GMFB: variants seen among roughly 807,000 people sequenced by gnomAD.
GMFB encodes the protein GMF-beta.
GMFB carries 13 observed loss-of-function variants against 25.6 expected under a neutral mutation model. That is an observed-to-expected ratio of 0.51 (90% confidence interval 0.33 to 0.81). The LOEUF (loss-of-function observed/expected upper bound fraction) is 0.81. Among genes scored for constraint, GMFB ranks in the 30% least tolerant of loss-of-function variants. GMFB has a pLI of 0.02. For missense variants in GMFB, 146 were observed against 175.4 expected (o/e 0.83, Z 0.95); for synonymous variants, 57 against 56.9 (o/e 1.00, Z 0.00).
intron 1 of GMFB, among the ~76,000 whole-genome samples, chr14:54,487,644 C>T (rs927424730): frequency 2.0e-5 from 3 of 152,130 alleles, no homozygotes; most frequent in Non-Finnish European, 4.4e-5. Flanking sequence ...ACCTGGGAGG[C>T]GGAGGTTGCA....
At chr14:54,481,783 G>GA (rs2031714488) in intron 3 of GMFB, among the ~76,000 whole-genome samples, 2 of 151,924 alleles carry the variant, frequency 1.3e-5, no homozygotes, top group Non-Finnish European at 1.5e-5. Flanking sequence ...TCTGATTTCA[G>GA]AAAAAAGAAT....
chr14:54,477,445 T>C lies in GMFB; in HGVS notation c.*643A>G, dbSNP rs1234083056. ...ATTACAACCCACCAATTTCTAAGAC[T>C]AAGATGCTATAAGGAGAAAAGCTAA... is the stretch of plus-strand genomic sequence containing the variant. On this transcript the variant is annotated 3_prime_UTR_variant, in exon 7 of 7. Coordinates refer to ENST00000358056, the MANE Select transcript of GMFB (RefSeq NM_004124.3). 1 of 152,306 alleles carries C rather than the reference T, an allele frequency of 6.6e-6. No individual in the cohort carries two copies. 9.4% of individuals were successfully genotyped at this position (152,306 alleles called of 1,614,324 possible).
intron 6 of GMFB, chr14:54,479,039 G>T (rs1483497242): frequency 6.6e-6 from 1 of 152,038 alleles, no homozygotes; most frequent in African/African-American, 2.4e-5. Flanking sequence ...ACAATCACAT[G>T]GGCTAAGGGG....
intron 2 of GMFB, chr14:54,483,434 T>G: frequency 2.2e-6 from 1 of 464,692 alleles, no homozygotes; most frequent in Admixed American, 4.0e-5. Flanking sequence ...GACCGCCTTC[T>G]CCAGAGCTGT....
chr14:54,488,829 G>T, intron 1 of GMFB, 96 bp downstream of exon 1: 1 of 1,044,894 alleles, frequency 9.6e-7, no homozygotes, highest in Non-Finnish European at 1.4e-6. Context: ...GAGCCCTCCT[G>T]GGCGCTGCCC....
chr14:54,480,329 T>C (rs950765781), intron 5 of GMFB: 1 of 158,238 alleles, frequency 6.3e-6, no homozygotes, highest in Non-Finnish European at 1.4e-5. Flanking sequence ...ATTATACAAA[T>C]TATGAAGTTT....
Position 54,477,888 on chromosome 14 carries a change from T to C in GMFB, c.*200A>G, listed in dbSNP as rs1460958161. 3.8e-5 allele frequency: 16 copies of C among 417,050 alleles called. No homozygotes were observed. The Admixed American group carries it at 4.9e-4, about 13-fold the overall frequency. 25.8% of individuals were successfully genotyped at this position (417,050 alleles called of 1,614,324 possible). A position where few individuals can be genotyped will look rare whatever the true frequency, so the allele number is the denominator to read the frequency against. ...GTAGTCCACCTAACAATTACCAATA[T>C]AAGGAAACACTTTACAAAGTTTCAT... is the stretch of plus-strand genomic sequence containing the variant. On this transcript the variant is annotated 3_prime_UTR_variant, in exon 7 of 7. Transcript: ENST00000358056.
At position 54,477,771 on chromosome 14, in the gene GMFB, C is replaced by G. The variant is rs1464543431; in HGVS notation, c.*317G>C. ...TGTTGTCTCTCACAATCTAATATAT[C>G]CACTTTCCAATGGTGTCTGTAAATA... On this transcript the variant is annotated 3_prime_UTR_variant, in exon 7 of 7. Transcript: ENST00000358056. 1 of 208,474 alleles carries G rather than the reference C, an allele frequency of 4.8e-6. No homozygotes were observed. Among genetic ancestry groups the G allele is most frequent in the East Asian group, 1.1e-4 (1 of 8,982 alleles). 12.9% of individuals were successfully genotyped at this position (208,474 alleles called of 1,614,324 possible).
chr14:54,481,206 A>G, intron 4 of GMFB: 1 of 582,148 alleles, frequency 1.7e-6, no homozygotes, highest in Non-Finnish European at 3.1e-6. Context: ...CGTTATAATA[A>G]AGGAAATAGT....
At chr14:54,481,511 T>C (rs2031711003) in intron 3 of GMFB, 53 bp from the exon 4 acceptor site, 1 of 1,145,312 alleles carries the variant, frequency 8.7e-7, no homozygotes, top group African/African-American at 1.5e-5. Context: ...CATAAGTCCT[T>C]AAGAGATACA....
At position 54,480,941 on chromosome 14, in the gene GMFB, A is replaced by G. The variant is rs1446797994; in HGVS notation, c.216T>C (p.Ser72=). 1 of 1,496,272 alleles carries G rather than the reference A, an allele frequency of 6.7e-7. No homozygotes were observed. Among genetic ancestry groups the G allele is most frequent in the African/African-American group, 1.4e-5 (1 of 71,570 alleles). 92.7% of individuals were successfully genotyped at this position (1,496,272 alleles called of 1,614,324 possible). The change falls in exon 5 of 7, where the codon AGT becomes AGC. Residue 72 remains serine (S), a synonymous_variant. Coordinates refer to ENST00000358056, the MANE Select transcript of GMFB (RefSeq NM_004124.3). ...PERQPRFIVY[S]YKYQHDDGRV... ...TTCCATCATCATGTTGATATTTATA[A>G]CTATACACAATGAAGGTTTTTCTCA...
In GMFB at chr14:54,474,886, A is replaced by G. The variant is rs1296953576; in HGVS notation, c.*3202T>C. Reference sequence around the variant, plus strand: ...AAAAACAAATTTCTCAAGAATATTCAGCTTGGGAGCATTGGTTTTAAGCGG... The same window carrying G: ...AAAAACAAATTTCTCAAGAATATTCGGCTTGGGAGCATTGGTTTTAAGCGG... On this transcript the variant is annotated 3_prime_UTR_variant, in exon 7 of 7. Transcript: ENST00000358056. 6.5e-6 allele frequency: 1 copy of G among 152,676 alleles called. No individual in the cohort carries two copies. Among genetic ancestry groups the G allele is most frequent in the Non-Finnish European group, 1.5e-5 (1 of 68,014 alleles). 9.5% of individuals were successfully genotyped at this position (152,676 alleles called of 1,614,324 possible).
intron 1 of GMFB, among the ~76,000 whole-genome samples, chr14:54,484,906 C>T (rs1232040814): frequency 6.6e-6 from 1 of 151,966 alleles, no homozygotes; most frequent in Admixed American, 6.6e-5. Flanking sequence ...TGATACATTA[C>T]ATTAACAGAA....
chr14:54,488,569 G>A (rs2031821434), intron 1 of GMFB: 1 of 264,444 alleles, frequency 3.8e-6, no homozygotes, highest in Non-Finnish European at 7.1e-6. Flanking sequence ...AATTGAGGGA[G>A]CCCTCCGATG....
At chr14:54,481,237 T>C (rs2031706707) in intron 4 of GMFB, 172 bp downstream of exon 4, 10 of 592,758 alleles carry the variant, frequency 1.7e-5, no homozygotes, top group East Asian at 5.5e-5. Context: ...AAATTATTCA[T>C]CCCACGAATA....
rs2031650459 is a variant in GMFB at position 54,477,108 on chromosome 14, T to C, written c.*980A>G. On this transcript the variant is annotated 3_prime_UTR_variant, in exon 7 of 7. Coordinates refer to ENST00000358056, the MANE Select transcript of GMFB (RefSeq NM_004124.3). Reference sequence around the variant, plus strand: ...CCAAAATTATAACTCTCGACTGCCATATATTCACCAATGCAAGCAGATAGT... The same window carrying C: ...CCAAAATTATAACTCTCGACTGCCACATATTCACCAATGCAAGCAGATAGT... The C allele has an allele frequency of 6.6e-6, 1 of 152,344 alleles. No homozygotes were observed. The highest frequency in any genetic ancestry group is 6.6e-5 in the Admixed American group (1 of 15,242). The allele number at this position is 152,344 out of a possible 1,614,324, so 9.4% of individuals were successfully genotyped here. A position where few individuals can be genotyped will look rare whatever the true frequency, so the allele number is the denominator to read the frequency against.
chr14:54,481,482 T>C lies in GMFB; in HGVS notation c.151-24A>G, dbSNP rs755096688. On this transcript the variant is annotated intron_variant, in intron 3 of 6. Transcript: ENST00000358056. ...CCCTGGCACCACAGAGAAAAGCAAC[T>C]TTTAAACATTTTCTTACCCATAAGT... The C allele has an allele frequency of 9.6e-6, 15 of 1,558,288 alleles. 1 individual carries two copies. Among genetic ancestry groups the C allele is most frequent in the Middle Eastern group, 1.7e-4 (1 of 5,970 alleles).
chr14:54,486,018 G>A (rs548514566), intron 1 of GMFB, among the ~76,000 whole-genome samples: 13 of 152,150 alleles, frequency 8.5e-5, no homozygotes, highest in African/African-American at 1.2e-4. Context: ...TTGGGAGGCC[G>A]AGGCGGGCGG....
intron 1 of GMFB, among the ~76,000 whole-genome samples, chr14:54,487,467 A>C (rs1158640707): frequency 6.6e-6 from 1 of 152,084 alleles, no homozygotes; most frequent in Non-Finnish European, 1.5e-5. Context: ...TGAACCAGGG[A>C]GGCGGAGCTT....
Sources: allele counts gnomAD v4.1 joint callset (sites outside exome capture counted in the v4.1 genomes callset), GRCh38; gene constraint gnomAD v4.1.1; transcripts MANE v1.5; gene names NCBI Gene and HGNC (gene_info 2026-07-23, HGNC 2026-07-21).